The following RMND5B variants were observed in gnomAD, a reference collection of about 807,000 sequenced individuals.
RMND5B encodes the protein required for meiotic nuclear division 5 homolog B, also known as E3 ubiquitin-protein transferase RMND5B.
A neutral mutation model predicts 50.4 loss-of-function variants in RMND5B; 42 were observed. The observed-to-expected ratio is 0.83, with a 90% CI of 0.65 to 1.08. RMND5B has a LOEUF of 1.08. Among genes scored for constraint, RMND5B ranks in the 50% least tolerant of loss-of-function variants. RMND5B has a pLI of 0.00. For synonymous variants in RMND5B, 220 were observed against 210.0 expected (o/e 1.05, Z -0.41); for missense variants, 463 against 508.5 (o/e 0.91, Z 0.86).
In RMND5B at chr5:178,147,862, A is replaced by G; in HGVS notation, c.1097A>G (p.Asn366Ser). 1 of 1,614,082 alleles carries G rather than the reference A, an allele frequency of 6.2e-7. No individual in the cohort carries two copies. ...CATGTTATCTCCCGAGATGCACTCAATAAGCTCATTAATGGAGGAAAGTAA... is the reference window on the plus strand; with the variant it reads ...CATGTTATCTCCCGAGATGCACTCAGTAAGCTCATTAATGGAGGAAAGTAA... ...CGHVISRDAL[N>S]KLINGGKLKC... The change falls in exon 10 of 11, where the codon AAT becomes AGT. Residue 366 changes from asparagine (N) to serine (S), a missense_variant. Asn to Ser is a conservative substitution (Grantham distance 46). Coordinates refer to ENST00000313386, the MANE Select transcript of RMND5B (RefSeq NM_022762.5).
intron 5 of RMND5B, 138 bp downstream of exon 5, chr5:178,143,130 T>C: frequency 9.1e-7 from 1 of 1,093,010 alleles, no homozygotes; most frequent in Non-Finnish European, 1.3e-6. Flanking sequence ...AAGCAGAAGG[T>C]AGCTTTAAAA....
Position 178,149,278 on chromosome 5 carries a change from A to G in RMND5B, c.*1246A>G, listed in dbSNP as rs1315768074. On this transcript the variant is annotated 3_prime_UTR_variant, in exon 11 of 11. Transcript: ENST00000313386. The stretch of plus-strand genomic sequence containing the variant: ...GGAAGAGGGAGTTGAAAATGCTGGG[A>G]TAGCAGCAGGATCAGTTCTCAGCTT... 6.1e-6 allele frequency: 1 copy of G among 162,818 alleles called. No homozygotes were observed. Among genetic ancestry groups the G allele is most frequent in the African/African-American group, 2.4e-5 (1 of 41,650 alleles). 10.1% of individuals were successfully genotyped at this position (162,818 alleles called of 1,614,324 possible).
intron 1 of RMND5B, 68 bp downstream of exon 1, chr5:178,131,122 G>A (rs868647393): frequency 1.2e-4 from 18 of 152,176 alleles, no homozygotes; most frequent in African/African-American, 3.4e-4. Context: ...CGGCGGAGCT[G>A]AGGCGCGCGG....
rs1193227633 is a variant in RMND5B at position 178,142,884 on chromosome 5, A to C, written c.318A>C (p.Ser106=). Residue 106 remains serine, a synonymous_variant, in exon 5 of 11, where the codon TCA becomes TCC. Transcript: ENST00000313386. ...NFDSEICGVV[S]DAVWDAREQQ... ...ACTCTGAGATCTGTGGTGTTGTGTC[A>C]GATGCGGTGTGGGACGCGCGGGAAC... The C allele has an allele frequency of 3.7e-6, 6 of 1,614,120 alleles. No individual in the cohort carries two copies. Among genetic ancestry groups the C allele is most frequent in the South Asian group, 1.1e-5 (1 of 91,094 alleles).
rs1277461411 is a variant in RMND5B, at chr5:178,150,105, C to T, written c.*2073C>T. 8.2e-6 allele frequency: 3 copies of T among 363,668 alleles called. No individual in the cohort carries two copies. The highest frequency in any genetic ancestry group is 1.5e-5 in the Non-Finnish European group (3 of 196,160). 22.5% of individuals were successfully genotyped at this position (363,668 alleles called of 1,614,324 possible). On this transcript the variant is annotated 3_prime_UTR_variant, in exon 11 of 11. Transcript: ENST00000313386. ...CAGGGGCTGTCCCGGTCCCTGCCAC[C>T]CCCACTTCCTGTGCCTCAGATCTGG... is the stretch of plus-strand genomic sequence containing the variant.
chr5:178,149,502 G>C lies in RMND5B; in HGVS notation c.*1470G>C, dbSNP rs1756203591. The C allele has an allele frequency of 1.7e-6, 1 of 576,696 alleles. No individual in the cohort carries two copies. Among genetic ancestry groups the C allele is most frequent in the South Asian group, 2.0e-5 (1 of 49,280 alleles). The allele number at this position is 576,696 out of a possible 1,614,324, so 35.7% of individuals were successfully genotyped here. ...TTTACTTTCCCCACCCCACATTCTT[G>C]GAACAGCCTTTAGTTCTACAGGAAA... On this transcript the variant is annotated 3_prime_UTR_variant, in exon 11 of 11. Transcript: ENST00000313386.
In RMND5B at chr5:178,149,726, G is replaced by T. The variant is rs1401974529; in HGVS notation, c.*1694G>T. Reference sequence around the variant, plus strand: ...TACCGGAGCCCCTCATAGGGGTAGGGGCAGGGACTGCACCTCCTCCAGGCA... The same window carrying T: ...TACCGGAGCCCCTCATAGGGGTAGGTGCAGGGACTGCACCTCCTCCAGGCA... On this transcript the variant is annotated 3_prime_UTR_variant, in exon 11 of 11. Coordinates refer to ENST00000313386, the MANE Select transcript of RMND5B (RefSeq NM_022762.5). 5 of 1,613,826 alleles carry T rather than the reference G, an allele frequency of 3.1e-6. No homozygotes were observed. The highest frequency in any genetic ancestry group is 2.7e-5 in the African/African-American group (2 of 74,926).
rs1756209149 is a variant in RMND5B at position 178,149,657 on chromosome 5, C to T, written c.*1625C>T. Reference sequence around the variant, plus strand: ...GGTGGGCAGGAGGACAGCCAGTCGTCCTGCTGCCAGCCCAATAGCTTCCAG... The same window carrying T: ...GGTGGGCAGGAGGACAGCCAGTCGTTCTGCTGCCAGCCCAATAGCTTCCAG... On this transcript the variant is annotated 3_prime_UTR_variant, in exon 11 of 11. Coordinates refer to ENST00000313386, the MANE Select transcript of RMND5B (RefSeq NM_022762.5). The T allele has an allele frequency of 1.2e-6, 2 of 1,609,956 alleles. No individual in the cohort carries two copies. The highest frequency in any genetic ancestry group is 4.5e-5 in the East Asian group (2 of 44,812).
Position 178,147,724 on chromosome 5 carries a change from C to T in RMND5B, c.964-5C>T, listed in dbSNP as rs1756104304. ...GGAACTCACCCGCTTCGCTGCCCTTCCCAGATTGAGATTGAACTAGGCATG... is the reference window on the plus strand; with the variant it reads ...GGAACTCACCCGCTTCGCTGCCCTTTCCAGATTGAGATTGAACTAGGCATG... On this transcript the variant is annotated splice_polypyrimidine_tract_variant and splice_region_variant and intron_variant, in intron 9 of 10. Coordinates refer to ENST00000313386, the MANE Select transcript of RMND5B (RefSeq NM_022762.5). 6.2e-7 allele frequency: 1 copy of T among 1,614,164 alleles called. No individual in the cohort carries two copies. Among genetic ancestry groups the T allele is most frequent in the Non-Finnish European group, 8.5e-7 (1 of 1,180,024 alleles).
intron 2 of RMND5B, among the ~76,000 whole-genome samples, chr5:178,134,754 G>T (rs112468557): frequency 2.5e-4 from 38 of 152,062 alleles, no homozygotes; most frequent in African/African-American, 9.2e-4. Context: ...ATCACTTGAG[G>T]CTAGGAGTTC....
intron 3 of RMND5B, 98 bp from the exon 4 acceptor site, chr5:178,142,485 G>A: frequency 7.2e-7 from 1 of 1,388,082 alleles, no homozygotes; most frequent in Non-Finnish European, 9.8e-7. Flanking sequence ...GCTGCCTCCT[G>A]GGCTACGGGG....
At chr5:178,134,740 G>A (rs536363956) in intron 2 of RMND5B, among the ~76,000 whole-genome samples, 1 of 152,156 alleles carries the variant, frequency 6.6e-6, no homozygotes, top group African/African-American at 2.4e-5. Flanking sequence ...GCCAAGGCAG[G>A]TGGATCACTT....
chr5:178,149,690 TGCCCAGGTGCTACC>T lies in RMND5B; in HGVS notation c.*1660_*1673del. 5 of 1,584,660 alleles carry T rather than the reference TGCCCAGGTGCTACC, an allele frequency of 3.2e-6. No homozygotes were observed. Among genetic ancestry groups the T allele is most frequent in the Non-Finnish European group, 4.3e-6 (5 of 1,167,608 alleles). ...CAGCCCAATAGCTTCCAGCGGCAGGTGCCCAGGTGCTACCGGAGCCCCTCATAGGGGTAGGGGCA... is the reference window on the plus strand; with the variant it reads ...CAGCCCAATAGCTTCCAGCGGCAGGTGGAGCCCCTCATAGGGGTAGGGGCA... On this transcript the variant is annotated 3_prime_UTR_variant, in exon 11 of 11. Coordinates refer to ENST00000313386, the MANE Select transcript of RMND5B (RefSeq NM_022762.5).
rs1581133637 is a variant in RMND5B, at chr5:178,148,121, G to A, written c.*89G>A. 1.5e-6 allele frequency: 2 copies of A among 1,371,574 alleles called. No individual in the cohort carries two copies. Among genetic ancestry groups the A allele is most frequent in the East Asian group, 4.6e-5 (2 of 43,646 alleles). The allele number at this position is 1,371,574 out of a possible 1,614,324, so 85.0% of individuals were successfully genotyped here. On this transcript the variant is annotated 3_prime_UTR_variant, in exon 11 of 11. Transcript: ENST00000313386. ...AGGGTGGTCAACTTCAGTGGACTGT[G>A]GTTGGTTTCAGAGCGCCTGGCTGAG...
intron 3 of RMND5B, chr5:178,142,311 G>A (rs1758987819): frequency 1.4e-5 from 6 of 442,314 alleles, no homozygotes; most frequent in African/African-American, 9.8e-5. Flanking sequence ...CCCATAGTAA[G>A]TGCCAGATCA....
chr5:178,136,902 T>A (rs1758647896), intron 2 of RMND5B, among the ~76,000 whole-genome samples: 2 of 152,082 alleles, frequency 1.3e-5, no homozygotes, highest in African/African-American at 4.8e-5. Context: ...AAGTCAACTT[T>A]CTTTCAATGG....
rs762928395 is a variant in RMND5B, at chr5:178,146,202, G to A, written c.783G>A (p.Trp261Ter). ...GCCACCTGCTGGACAGCAGCCACTG[G>A]GCAGAGATCTGTGAGACCTTTACCC... ...PYCHLLDSSH[W>*]AEICETFTRD... Residue 261 changes from tryptophan (W) to a stop codon, truncating the protein, a stop_gained, in exon 8 of 11, where the codon TGG becomes TGA. Coordinates refer to ENST00000313386, the MANE Select transcript of RMND5B (RefSeq NM_022762.5). LOFTEE classifies it high-confidence loss of function. The A allele has an allele frequency of 1.2e-6, 2 of 1,614,182 alleles. No homozygotes were observed. Among genetic ancestry groups the A allele is most frequent in the Non-Finnish European group, 1.7e-6 (2 of 1,180,012 alleles).
intron 10 of RMND5B, 30 bp downstream of exon 10, chr5:178,147,913 G>GCTTGGC (rs750673226): frequency 3.7e-6 from 6 of 1,613,978 alleles, no homozygotes; most frequent in African/African-American, 1.3e-5. Flanking sequence ...CTCCACCTTG[G>GCTTGGC]CTTGGCTCTC....
At chr5:178,136,381 T>G (rs1258502550) in intron 2 of RMND5B, 2 of 152,224 alleles carry the variant, frequency 1.3e-5, no homozygotes, top group African/African-American at 4.8e-5. Context: ...CTGTTATATT[T>G]TGCCATAATG....
Sources: allele counts gnomAD v4.1 joint callset (sites outside exome capture counted in the v4.1 genomes callset), GRCh38; gene constraint gnomAD v4.1.1; transcripts MANE v1.5; gene names NCBI Gene and HGNC (gene_info 2026-07-23, HGNC 2026-07-21).